RAB44: variants seen among roughly 807,000 people sequenced by gnomAD.
RAB44 encodes the protein RAB44, member RAS oncogene family.
Under a neutral mutation model 93.3 loss-of-function variants are expected in RAB44, and 67 were observed. That is an observed-to-expected ratio of 0.72 (90% CI 0.59 to 0.88). The LOEUF (loss-of-function observed/expected upper bound fraction) is 0.88. Ranked by LOEUF, RAB44 falls within the 40% of genes least tolerant of loss-of-function variation. The pLI is 0.00. For missense variants in RAB44, 1,064 were observed against 1,261.7 expected (o/e 0.84, Z 2.37); for synonymous variants, 427 against 520.3 (o/e 0.82, Z 2.44).
chr6:36,725,866 A>C lies in RAB44; in HGVS notation c.2604A>C (p.Val868=). The part of the protein sequence containing the change: ...FATGLTATVG[V]DFRVKTLLVD... ...ACCCCTCTCTATGTGTCCTAGGAGT[A>C]GATTTTCGGGTCAAAACCTTGCTGG... Residue 868 remains valine, a synonymous_variant, in exon 10 of 14, where the codon GTA becomes GTC. Transcript: ENST00000612677. 1.3e-6 allele frequency: 2 copies of C among 1,550,230 alleles called. No individual in the cohort carries two copies. The highest frequency in any genetic ancestry group is 1.7e-6 in the Non-Finnish European group (2 of 1,146,658).
chr6:36,699,652 C>T (rs914518879), intron 1 of RAB44, among the ~76,000 whole-genome samples: 1 of 152,176 alleles, frequency 6.6e-6, no homozygotes, highest in African/African-American at 2.4e-5. Flanking sequence ...TTGGGGAAGT[C>T]CATCCCATGA....
intron 7 of RAB44, 96 bp from the exon 8 acceptor site, chr6:36,720,266 CA>C (rs1465673294): frequency 7.6e-6 from 8 of 1,056,846 alleles, no homozygotes; most frequent in Non-Finnish European, 8.4e-6. Context: ...GGAGCCTGGA[CA>C]GGGGGTGGGG....
chr6:36,702,361 G>T (rs1762534445), intron 1 of RAB44, among the ~76,000 whole-genome samples: 1 of 145,270 alleles, frequency 6.9e-6, no homozygotes, highest in South Asian at 2.3e-4. Flanking sequence ...TTTGAAGTTT[G>T]GGGCCTCCTA....
chr6:36,716,469 C>CAAAA (rs567193522), intron 4 of RAB44, among the ~76,000 whole-genome samples: 1 of 76,260 alleles, frequency 1.3e-5, no homozygotes, highest in African/African-American at 4.6e-5. Context: ...GACTCTGTCT[C>CAAAA]AAAAAAAAAA....
Position 36,722,190 on chromosome 6 carries a change from G to T in RAB44, c.2056G>T (p.Gly686Trp). The change falls in exon 9 of 14, where the codon GGG becomes TGG. Residue 686 changes from glycine (G) to tryptophan (W), a missense_variant. Physicochemically the swap from Gly to Trp is radical, Grantham distance 184. Transcript: ENST00000612677. ...GGAAGGAAAACAAGAGGGCAGAGGT[G>T]GGCAGGACCTCAGTTCAGAGCAGTC... ...SEEGKQEGRGGQDLSSEQSEQ... is the reference protein window; with the variant it reads ...SEEGKQEGRGWQDLSSEQSEQ... The T allele has an allele frequency of 8.1e-7, 1 of 1,238,368 alleles. No individual in the cohort carries two copies. Among genetic ancestry groups the T allele is most frequent in the Non-Finnish European group, 1.0e-6 (1 of 990,644 alleles). The allele number at this position is 1,238,368 out of a possible 1,614,324, so 76.7% of individuals were successfully genotyped here.
intron 12 of RAB44, among the ~76,000 whole-genome samples, chr6:36,729,643 CG>C (rs1176127242): frequency 7.9e-5 from 12 of 152,038 alleles, no homozygotes. Flanking sequence ...CCACCACGCC[CG>C]GCTAATTTTT....
chr6:36,722,042 G>A lies in RAB44; in HGVS notation c.1908G>A (p.Gln636=). 1.6e-6 allele frequency: 2 copies of A among 1,234,602 alleles called. No individual in the cohort carries two copies. Among genetic ancestry groups the A allele is most frequent in the Non-Finnish European group, 2.0e-6 (2 of 988,476 alleles). 76.5% of individuals were successfully genotyped at this position (1,234,602 alleles called of 1,614,324 possible). ...PVPTERLEQG[Q]AGPAVQEGLP... ...CCACAGAGAGGCTGGAGCAGGGCCA[G>A]GCGGGCCCAGCGGTGCAGGAGGGCC... Residue 636 remains glutamine (Q), a synonymous_variant, in exon 9 of 14, where the codon CAG becomes CAA. Transcript: ENST00000612677.
Position 36,722,093 on chromosome 6 carries a change from T to C in RAB44, c.1959T>C (p.His653=). The C allele has an allele frequency of 8.1e-7, 1 of 1,233,190 alleles. No individual in the cohort carries two copies. The highest frequency in any genetic ancestry group is 1.0e-6 in the Non-Finnish European group (1 of 988,818). 76.4% of individuals were successfully genotyped at this position (1,233,190 alleles called of 1,614,324 possible). ...EGLPEGLREA[H]GQVLGLGELS... ...TTCCTGAGGGGCTAAGAGAAGCTCA[T>C]GGCCAGGTCCTTGGGCTGGGTGAGC... Residue 653 remains histidine (H), a synonymous_variant, in exon 9 of 14, where the codon CAT becomes CAC. Transcript: ENST00000612677.
At chr6:36,702,293 G>GGAGAGAGA (rs567475229) in intron 1 of RAB44, among the ~76,000 whole-genome samples, 197 of 115,180 alleles carry the variant, frequency 1.7e-3, no homozygotes, top group African/African-American at 6.3e-3. Flanking sequence ...CTTCGAAGGG[G>GGAGAGAGA]GAGAGAGAGA....
In RAB44 at chr6:36,704,266, G is replaced by T. The variant is rs1296684930; in HGVS notation, c.31G>T (p.Val11Phe). Reference protein sequence around the residue: METGQRTSRKVRKLGSNRRRQ... With the variant: METGQRTSRKFRKLGSNRRRQ... ...GACTGGACAGAGAACATCTCGAAAAGTCCGGAAGCTGGGCTCCAACCGGCG... is the reference window on the plus strand; with the variant it reads ...GACTGGACAGAGAACATCTCGAAAATTCCGGAAGCTGGGCTCCAACCGGCG... The change falls in exon 2 of 14, where the codon GTC becomes TTC. Residue 11 changes from valine (V) to phenylalanine (F), a missense_variant. Transcript: ENST00000612677. 6.5e-7 allele frequency: 1 copy of T among 1,535,996 alleles called. No homozygotes were observed. Among genetic ancestry groups the T allele is most frequent in the Non-Finnish European group, 8.7e-7 (1 of 1,146,902 alleles).
chr6:36,721,892 A>C lies in RAB44; in HGVS notation c.1758A>C (p.Arg586Ser). The change falls in exon 9 of 14, where the codon AGA becomes AGC. Residue 586 changes from arginine to serine, a missense_variant. Transcript: ENST00000612677. ...GCCCAGCCAAGCCGCCCAGGCAGAG[A>C]GATGCCCTCCAGCAGGACCTGCATG... The part of the protein sequence containing the change: ...GVGPAKPPRQ[R>S]DALQQDLHAT... 8.1e-7 allele frequency: 1 copy of C among 1,235,148 alleles called. No homozygotes were observed. Among genetic ancestry groups the C allele is most frequent in the Non-Finnish European group, 1.0e-6 (1 of 988,844 alleles). 76.5% of individuals were successfully genotyped at this position (1,235,148 alleles called of 1,614,324 possible). A position where few individuals can be genotyped will look rare whatever the true frequency, so the allele number is the denominator to read the frequency against.
chr6:36,703,739 C>T (rs1409355394), intron 1 of RAB44, among the ~76,000 whole-genome samples: 7 of 151,760 alleles, frequency 4.6e-5, no homozygotes, highest in East Asian at 1.9e-4. Context: ...GAGGAGGTGT[C>T]GGTGGAGGGA....
chr6:36,701,611 GA>G (rs1178331765), intron 1 of RAB44, among the ~76,000 whole-genome samples: 2 of 152,164 alleles, frequency 1.3e-5, no homozygotes, highest in African/African-American at 4.8e-5. Flanking sequence ...AGCCCTCTCT[GA>G]CACCCTGATC....
intron 9 of RAB44, among the ~76,000 whole-genome samples, chr6:36,724,053 G>T (rs1173060888): frequency 6.6e-6 from 1 of 151,980 alleles, no homozygotes; most frequent in African/African-American, 2.4e-5. Context: ...AGTTAGAAAT[G>T]CAGTTCCCTC....
chr6:36,720,268 G>T (rs1178751763), intron 7 of RAB44, 95 bp from the exon 8 acceptor site: 5 of 1,060,688 alleles, frequency 4.7e-6, no homozygotes, highest in Middle Eastern at 3.4e-4. Context: ...AGCCTGGACA[G>T]GGGGTGGGGG....
chr6:36,714,409 C>T (rs914014637), intron 3 of RAB44, among the ~76,000 whole-genome samples: 6 of 152,188 alleles, frequency 3.9e-5, no homozygotes, highest in African/African-American at 1.4e-4. Flanking sequence ...CGCTAATCCT[C>T]TCCCTGGGAA....
At chr6:36,712,889 C>T (rs1377546099) in intron 2 of RAB44, among the ~76,000 whole-genome samples, 1 of 152,118 alleles carries the variant, frequency 6.6e-6, no homozygotes, top group African/African-American at 2.4e-5. Flanking sequence ...TCATGTGCGG[C>T]CTCAGATAAA....
intron 2 of RAB44, among the ~76,000 whole-genome samples, chr6:36,704,820 C>T (rs1762603548): frequency 6.6e-6 from 1 of 152,098 alleles, no homozygotes; most frequent in Admixed American, 6.6e-5. Flanking sequence ...TGTGTGTCCC[C>T]ATAAAGAGTC....
At chr6:36,713,805 C>T (rs777155060) in intron 2 of RAB44, 23 bp from the exon 3 acceptor site, 5 of 1,470,068 alleles carry the variant, frequency 3.4e-6, no homozygotes, top group Middle Eastern at 1.7e-4. Context: ...GGAACACCTG[C>T]CCAACTTGCC....
Sources: allele counts gnomAD v4.1 joint callset (sites outside exome capture counted in the v4.1 genomes callset), GRCh38; gene constraint gnomAD v4.1.1; transcripts MANE v1.5; gene names NCBI Gene and HGNC (gene_info 2026-07-23, HGNC 2026-07-21).